CCDC178: variants seen among roughly 807,000 people sequenced by gnomAD.
CCDC178 encodes coiled-coil domain-containing protein 178.
CCDC178 carries 126 observed loss-of-function variants against 117.4 expected under a neutral mutation model. That is an observed-to-expected ratio of 1.07 (90% CI 0.93 to 1.24). The LOEUF is 1.24. Ranked by LOEUF, CCDC178 falls within the 50% of genes most tolerant of loss-of-function variation. CCDC178 has a pLI of 0.00. For synonymous variants in CCDC178, 283 were observed against 313.4 expected, an observed-to-expected ratio of 0.90 and a Z score of 1.02; for missense variants, 1,030 against 986.9, an observed-to-expected ratio of 1.04 and a Z score of -0.59.
At chr18:33,095,523 G>A (rs2145083750) in intron 20 of CCDC178, among the ~76,000 whole-genome samples, 1 of 152,068 alleles carries the variant, frequency 6.6e-6, no homozygotes, top group South Asian at 2.1e-4. Flanking sequence ...TGAGGGATGA[G>A]ACCATCATTT....
chr18:33,125,491 T>C (rs1011816933), intron 20 of CCDC178, among the ~76,000 whole-genome samples: 4 of 152,158 alleles, frequency 2.6e-5, no homozygotes, highest in African/African-American at 9.6e-5. Flanking sequence ...TGATCATTTA[T>C]CAAAAAATTA....
intron 21 of CCDC178, among the ~76,000 whole-genome samples, chr18:33,037,151 G>T (rs562898623): frequency 1.3e-5 from 2 of 152,038 alleles, no homozygotes; most frequent in African/African-American, 4.8e-5. Flanking sequence ...TATAATGATT[G>T]AAATGTGGCT....
intron 20 of CCDC178, among the ~76,000 whole-genome samples, chr18:33,193,330 G>C (rs954192299): frequency 6.6e-6 from 1 of 151,392 alleles, no homozygotes; most frequent in African/African-American, 2.4e-5. Context: ...AAGCCTTTGA[G>C]GGGGCAGCCA....
intron 5 of CCDC178, among the ~76,000 whole-genome samples, chr18:33,386,287 G>A (rs750152204): frequency 6.6e-6 from 1 of 152,180 alleles, no homozygotes; most frequent in Non-Finnish European, 1.5e-5. Context: ...AAAAAGAGGA[G>A]CTGGTACCAT....
At chr18:33,047,476 G>A (rs1411945774) in intron 21 of CCDC178, among the ~76,000 whole-genome samples, 1 of 152,046 alleles carries the variant, frequency 6.6e-6, no homozygotes, top group South Asian at 2.1e-4. Flanking sequence ...CTCTAATTTT[G>A]CATATTTCAG....
intron 21 of CCDC178, among the ~76,000 whole-genome samples, chr18:33,042,955 C>A (rs1038118675): frequency 4.6e-5 from 7 of 151,772 alleles, no homozygotes; most frequent in African/African-American, 1.7e-4. Context: ...GACAACTGAG[C>A]ATTGGGTTTC....
chr18:33,179,074 A>ATAT (rs1180929082), intron 20 of CCDC178, among the ~76,000 whole-genome samples: 1 of 93,314 alleles, frequency 1.1e-5, no homozygotes, highest in Non-Finnish European at 1.9e-5. Flanking sequence ...AAAAAAAAAA[A>ATAT]AAAAATATAT....
intron 22 of CCDC178, among the ~76,000 whole-genome samples, chr18:32,941,062 T>A (rs1037993405): frequency 6.6e-6 from 1 of 151,610 alleles, no homozygotes; most frequent in Non-Finnish European, 1.5e-5. Context: ...CTAATAGAAC[T>A]CCTGCAGTTT....
intron 22 of CCDC178, among the ~76,000 whole-genome samples, chr18:32,962,913 G>A (rs2054736202): frequency 6.6e-6 from 1 of 152,010 alleles, no homozygotes; most frequent in African/African-American, 2.4e-5. Context: ...ACTCGGTTTG[G>A]TAACTGAGTG....
intron 2 of CCDC178, among the ~76,000 whole-genome samples, chr18:33,430,379 A>G (rs1457864811): frequency 2.6e-5 from 4 of 152,216 alleles, no homozygotes; most frequent in Non-Finnish European, 2.9e-5. Context: ...AGAAATAACA[A>G]TATGTGTTCA....
At chr18:33,049,431 C>T (rs1598827211) in intron 21 of CCDC178, among the ~76,000 whole-genome samples, 1 of 151,932 alleles carries the variant, frequency 6.6e-6, no homozygotes, top group African/African-American at 2.4e-5. Context: ...ATTATGTACT[C>T]CCATATATTT....
intron 21 of CCDC178, among the ~76,000 whole-genome samples, chr18:33,064,718 T>C (rs1481872893): frequency 3.3e-5 from 5 of 152,312 alleles, no homozygotes; most frequent in African/African-American, 1.2e-4. Context: ...ACTCCATATA[T>C]ATCTAAGCGA....
intron 20 of CCDC178, among the ~76,000 whole-genome samples, chr18:33,115,331 T>A (rs2057840828): frequency 6.6e-6 from 1 of 152,036 alleles, no homozygotes; most frequent in African/African-American, 2.4e-5. Context: ...TAACTTGGTT[T>A]ATCAAAATGT....
intron 20 of CCDC178, among the ~76,000 whole-genome samples, chr18:33,147,381 TAGTA>T (rs2058282189): frequency 8.5e-5 from 12 of 140,612 alleles, no homozygotes; most frequent in African/African-American, 1.4e-4. Flanking sequence ...TTTTTTTTTT[TAGTA>T]TTTATTGATC....
Position 33,389,553 on chromosome 18 carries a change from C to A in CCDC178, c.195G>T (p.Met65Ile). ...TTCAGTCCTCACCTTCAGTATTTGTCATTTTACTTTCATGAAAACCTTCAC... is the reference window on the plus strand; with the variant it reads ...TTCAGTCCTCACCTTCAGTATTTGTAATTTTACTTTCATGAAAACCTTCAC... ...ENSEGFHESK[M>I]TNTEGVNKGI... The change falls in exon 5 of 23, where the codon ATG becomes ATT. Residue 65 changes from methionine to isoleucine, a missense_variant. Coordinates refer to ENST00000383096, the MANE Select transcript of CCDC178 (RefSeq NM_001105528.4). 2 of 1,510,000 alleles carry A rather than the reference C, an allele frequency of 1.3e-6. No individual in the cohort carries two copies. The highest frequency in any genetic ancestry group is 2.8e-5 in the South Asian group (2 of 70,796). The allele number at this position is 1,510,000 out of a possible 1,614,324, so 93.5% of individuals were successfully genotyped here.
chr18:33,039,764 C>T (rs927784342), intron 21 of CCDC178, among the ~76,000 whole-genome samples: 5 of 151,812 alleles, frequency 3.3e-5, no homozygotes, highest in South Asian at 2.1e-4. Flanking sequence ...CCTTCAGAAA[C>T]GAAATAGTAC....
intron 22 of CCDC178, among the ~76,000 whole-genome samples, chr18:32,945,527 T>A (rs2064941841): frequency 6.6e-6 from 1 of 152,220 alleles, no homozygotes; most frequent in Non-Finnish European, 1.5e-5. Context: ...ATATTATCTT[T>A]GAATTTCAAC....
chr18:33,259,068 T>C (rs1007024222), intron 14 of CCDC178, among the ~76,000 whole-genome samples: 8 of 150,636 alleles, frequency 5.3e-5, no homozygotes, highest in Non-Finnish European at 8.8e-5. Flanking sequence ...TGCAAGCAGT[T>C]ACAAGGTGTG....
chr18:33,073,437 C>A (rs1005860314), intron 21 of CCDC178, among the ~76,000 whole-genome samples: 1 of 152,016 alleles, frequency 6.6e-6, no homozygotes, highest in African/African-American at 2.4e-5. Flanking sequence ...TATACTCAGA[C>A]AATTCTGTAT....
Sources: allele counts gnomAD v4.1 joint callset (sites outside exome capture counted in the v4.1 genomes callset), GRCh38; gene constraint gnomAD v4.1.1; transcripts MANE v1.5; gene names NCBI Gene and HGNC (gene_info 2026-07-23, HGNC 2026-07-21).